PMPCB: variants seen among roughly 807,000 people sequenced by gnomAD.
PMPCB encodes the protein mitochondrial-processing peptidase subunit beta.
A neutral mutation model predicts 61.5 loss-of-function variants in PMPCB; 46 were observed. The observed-to-expected ratio is 0.75, with a 90% confidence interval of 0.59 to 0.96. The LOEUF (loss-of-function observed/expected upper bound fraction) is 0.96. Among genes scored for constraint, PMPCB ranks in the 40% least tolerant of loss-of-function variants. PMPCB has a pLI of 0.00. For missense variants in PMPCB, 590 were observed against 602.4 expected, an observed-to-expected ratio of 0.98 and a Z score of 0.22; for synonymous variants, 191 against 201.6, an observed-to-expected ratio of 0.95 and a Z score of 0.44.
downstream of PMPCB, chr7:103,315,983 C>T (rs1347941805): frequency 6.3e-7 from 1 of 1,588,602 alleles, no homozygotes; most frequent in South Asian, 1.1e-5. Context: ...CTTCTCAAAA[C>T]TCACCAAGTT....
At chr7:103,347,383 G>A in the PMPCB span, 1 of 193,922 alleles carries the variant, frequency 5.2e-6, no homozygotes, top group East Asian at 1.1e-4. Context: ...TTTCTTGTGT[G>A]GTAGGAGTTC....
chr7:103,303,267 C>G (rs1817496189), intron 4 of PMPCB, among the ~76,000 whole-genome samples: 1 of 152,216 alleles, frequency 6.6e-6, no homozygotes, highest in African/African-American at 2.4e-5. Context: ...CGGGCACATG[C>G]CACCACACGA....
At chr7:103,343,966 T>C in the PMPCB span, among the ~76,000 whole-genome samples, 1 of 152,242 alleles carries the variant, frequency 6.6e-6, no homozygotes, top group Admixed American at 6.5e-5. Flanking sequence ...AAGTTTACAA[T>C]ACTCATGACT....
chr7:103,335,980 C>A, the PMPCB span: 1 of 152,242 alleles, frequency 6.6e-6, no homozygotes, highest in Non-Finnish European at 1.5e-5. Context: ...CCAGCCTGAC[C>A]AACATGGTGA....
intron 12 of PMPCB, among the ~76,000 whole-genome samples, chr7:103,325,041 G>C (rs1464652852): frequency 6.6e-6 from 1 of 152,126 alleles, no homozygotes; most frequent in East Asian, 1.9e-4. Context: ...GCACTTCATT[G>C]ATCACTGGTG....
In PMPCB at chr7:103,321,694, A is replaced by C. The variant is rs574529141; in HGVS notation, c.*1432-7237A>C. Among the ~76,000 whole-genome samples the C allele has an allele frequency of 6.3e-4, 96 of 151,958 alleles. 1 individual carries two copies. Among genetic ancestry groups the C allele is most frequent in the African/African-American group, 2.2e-3 (93 of 41,430 alleles). ...GAAACCCTGTCTCTACTAAAAATAC[A>C]AAAAATTAGCCAGGCGTGGTGGCAC... On this transcript the variant is annotated intron_variant and NMD_transcript_variant, in intron 12 of 12. Coordinates refer to the PMPCB transcript ENST00000444457.
chr7:103,341,493 T>C, the PMPCB span, among the ~76,000 whole-genome samples: 2 of 152,210 alleles, frequency 1.3e-5, no homozygotes, highest in Admixed American at 1.3e-4. Context: ...CCAGAATACT[T>C]TTCTCACTTC....
chr7:103,314,589 G>C lies in PMPCB; in HGVS notation c.*2318G>C. The C allele has an allele frequency of 1.0e-6, 1 of 985,206 alleles. No individual in the cohort carries two copies. The highest frequency in any genetic ancestry group is 1.2e-6 in the Non-Finnish European group (1 of 829,758). 61.0% of individuals were successfully genotyped at this position (985,206 alleles called of 1,614,324 possible). On this transcript the variant is annotated 3_prime_UTR_variant, in exon 13 of 13. Transcript: ENST00000249269. Reference sequence around the variant, plus strand: ...GTATTTTGTGGAGATAAAGGTGCAGGAGAATAAACTCCTTTATAAAGAAGT... The same window carrying C: ...GTATTTTGTGGAGATAAAGGTGCAGCAGAATAAACTCCTTTATAAAGAAGT...
At chr7:103,324,638 T>A (rs1387542649) in intron 12 of PMPCB, 2 of 1,203,258 alleles carry the variant, frequency 1.7e-6, no homozygotes, top group African/African-American at 1.6e-5. Flanking sequence ...TTTAATTTAT[T>A]AAAAACAATA....
At chr7:103,337,592 G>T in the PMPCB span, 1 of 636,568 alleles carries the variant, frequency 1.6e-6, no homozygotes, top group Non-Finnish European at 2.7e-6. Context: ...GGAGACCGTG[G>T]TTTTTTGCTT....
Position 103,322,973 on chromosome 7 carries a change from AGGCTGGAGTGCAAT to A in PMPCB, c.*1432-5954_*1432-5941del, listed in dbSNP as rs536682517. 3.7e-3 allele frequency among the ~76,000 whole-genome samples: 568 copies of A among 151,722 alleles called. 4 individuals carry two copies. The highest frequency in any genetic ancestry group is 0.014 in the African/African-American group (559 of 41,328). On this transcript the variant is annotated intron_variant and NMD_transcript_variant, in intron 12 of 12. Transcript: ENST00000444457. ...AGACAGACTTTTGCTCTTGTCGCCC[AGGCTGGAGTGCAAT>A]GGCGTGATTTTGGCTCATTGCAACC... is the stretch of plus-strand genomic sequence containing the variant.
exon 13 of PMPCB, chr7:103,328,935 TA>T: frequency 9.1e-7 from 1 of 1,094,106 alleles, no homozygotes; most frequent in Non-Finnish European, 1.2e-6. Flanking sequence ...TCTTAGGATA[TA>T]ATCACAGAAG....
Position 103,313,171 on chromosome 7 carries a change from A to G in PMPCB, c.*900A>G, listed in dbSNP as rs1018685407. On this transcript the variant is annotated 3_prime_UTR_variant, in exon 13 of 13. Transcript: ENST00000249269. ...TCTCAGACAAGTCTTGTGGTCCACA[A>G]GTATTCGCTAAGTGCCCATTTCAAT... 2 of 1,511,796 alleles carry G rather than the reference A, an allele frequency of 1.3e-6. No homozygotes were observed. The highest frequency in any genetic ancestry group is 1.8e-6 in the Non-Finnish European group (2 of 1,137,136). 93.6% of individuals were successfully genotyped at this position (1,511,796 alleles called of 1,614,324 possible).
At chr7:103,320,620 C>T (rs574962298) in intron 12 of PMPCB, among the ~76,000 whole-genome samples, 5 of 150,390 alleles carry the variant, frequency 3.3e-5, no homozygotes, top group Non-Finnish European at 5.9e-5. Context: ...ATTAGCCGGG[C>T]GTGGTCCCAG....
Position 103,312,890 on chromosome 7 carries a change from A to AT in PMPCB, c.*620dup. 6.4e-7 allele frequency: 1 copy of AT among 1,571,254 alleles called. No individual in the cohort carries two copies. The highest frequency in any genetic ancestry group is 8.6e-7 in the Non-Finnish European group (1 of 1,164,250). On this transcript the variant is annotated 3_prime_UTR_variant, in exon 13 of 13. Coordinates refer to ENST00000249269, the MANE Select transcript of PMPCB (RefSeq NM_004279.3). ...ACTTAATAGACATAAAATATGAGCTATATCACCCAAGCTACAATTTAAAAT... is the reference window on the plus strand; with the variant it reads ...ACTTAATAGACATAAAATATGAGCTATTATCACCCAAGCTACAATTTAAAAT...
At chr7:103,334,842 T>G in the PMPCB span, among the ~76,000 whole-genome samples, 4 of 152,150 alleles carry the variant, frequency 2.6e-5, no homozygotes, top group East Asian at 1.9e-4. Flanking sequence ...GGTATTTTTT[T>G]GGGCATTTTT....
chr7:103,316,531 A>G, downstream of PMPCB: 1 of 288,702 alleles, frequency 3.5e-6, no homozygotes, highest in Non-Finnish European at 6.4e-6. Context: ...GAAAAACTAC[A>G]GAAAACCTAA....
downstream of PMPCB, among the ~76,000 whole-genome samples, chr7:103,331,923 A>C (rs1818989945): frequency 6.6e-6 from 1 of 152,100 alleles, no homozygotes; most frequent in Non-Finnish European, 1.5e-5. Context: ...TTTTTGAGAA[A>C]TCTCCATACT....
chr7:103,337,900 C>A, the PMPCB span: 1 of 919,834 alleles, frequency 1.1e-6, no homozygotes. Flanking sequence ...AAGCATTTCC[C>A]AAAGTGACAT....
Sources: gnomAD v4.1 joint callset for allele counts (sites outside exome capture counted in the v4.1 genomes callset) on GRCh38, gnomAD v4.1.1 for gene constraint, MANE v1.5 for transcripts, NCBI Gene and HGNC (gene_info 2026-07-23, HGNC 2026-07-21) for gene names.